SPIRE2: variants seen among roughly 807,000 people sequenced by gnomAD.
SPIRE2 encodes spire type actin nucleation factor 2.
A neutral mutation model predicts 80.7 loss-of-function variants in SPIRE2; 76 were observed. That is an observed-to-expected ratio of 0.94 (90% CI 0.78 to 1.14). The LOEUF (loss-of-function observed/expected upper bound fraction) is 1.14. Ranked by LOEUF, SPIRE2 falls within the 50% of genes most tolerant of loss-of-function variation. The probability of loss-of-function intolerance (pLI) is 0.00; values close to 1 mark genes in which losing one functional copy is unlikely to be tolerated. For missense variants in SPIRE2, 1,196 were observed against 1,015.3 expected (o/e 1.18, Z -2.42); for synonymous variants, 535 against 432.6 (o/e 1.24, Z -2.94).
intron 9 of SPIRE2, among the ~76,000 whole-genome samples, chr16:89,860,208 T>C (rs977629815): frequency 1.1e-4 from 16 of 152,294 alleles, no homozygotes; most frequent in African/African-American, 2.6e-4. Context: ...CTGTGGACCC[T>C]CTATACCACA....
chr16:89,855,527 G>T, intron 5 of SPIRE2, 73 bp from the exon 6 acceptor site: 1 of 1,372,706 alleles, frequency 7.3e-7, no homozygotes, highest in Non-Finnish European at 1.0e-6. Flanking sequence ...CTTGGGCTGA[G>T]CAGGCCTCTC....
chr16:89,843,207 G>A (rs545814827), intron 1 of SPIRE2, among the ~76,000 whole-genome samples: 3 of 152,158 alleles, frequency 2.0e-5, no homozygotes, highest in East Asian at 3.9e-4. Context: ...TGGGCCCCAC[G>A]GCCTGGCCCC....
rs774222717 is a variant in SPIRE2 at position 89,860,654 on chromosome 16, G to C, written c.1463-29G>C. On this transcript the variant is annotated intron_variant, in intron 9 of 14. Coordinates refer to ENST00000378247, the MANE Select transcript of SPIRE2 (RefSeq NM_032451.2). ...TCTTTACCACAGCTCCTGCCAGGCA[G>C]TCCTGATGGAGCCTCTGCTCTCCCC... 33 of 1,459,012 alleles carry C rather than the reference G, an allele frequency of 2.3e-5. No individual in the cohort carries two copies. The African/African-American group carries it at 3.2e-4, about 14-fold the overall frequency. 90.4% of individuals were successfully genotyped at this position (1,459,012 alleles called of 1,614,324 possible).
At chr16:89,850,215 G>A (rs894738844) in intron 2 of SPIRE2, 89 bp from the exon 3 acceptor site, 9 of 1,067,186 alleles carry the variant, frequency 8.4e-6, no homozygotes, top group Middle Eastern at 2.0e-4. Context: ...CTCCCTGGCC[G>A]GGTGCTGGGC....
intron 6 of SPIRE2, 45 bp downstream of exon 6, chr16:89,855,731 G>A (rs971050516): frequency 1.9e-6 from 3 of 1,581,560 alleles, no homozygotes; most frequent in South Asian, 2.2e-5. Context: ...CCGGGGCCTG[G>A]TGCTGTCCTG....
At chr16:89,845,721 A>G in intron 2 of SPIRE2, 1 of 638,936 alleles carries the variant, frequency 1.6e-6, no homozygotes, top group East Asian at 2.7e-5. Context: ...AACAGGAAAA[A>G]TCAGCCTGGT....
Position 89,858,592 on chromosome 16 carries a change from G to T in SPIRE2, c.1272+85G>T, listed in dbSNP as rs146701537. On this transcript the variant is annotated intron_variant, in intron 8 of 14. Coordinates refer to ENST00000378247, the MANE Select transcript of SPIRE2 (RefSeq NM_032451.2). ...AGTGAGAAGGGCTAAGCTAAGCCGG[G>T]GGCAGCAGCAATTGCGGTGTCTCCT... is the stretch of plus-strand genomic sequence containing the variant. 428 of 1,347,966 alleles carry T rather than the reference G, an allele frequency of 3.2e-4. 1 individual carries two copies. The highest frequency in any genetic ancestry group is 1.1e-3 in the Middle Eastern group (6 of 5,236). 83.5% of individuals were successfully genotyped at this position (1,347,966 alleles called of 1,614,324 possible).
At chr16:89,840,501 G>A (rs562194691) in intron 1 of SPIRE2, among the ~76,000 whole-genome samples, 91 of 151,238 alleles carry the variant, frequency 6.0e-4, no homozygotes, top group Non-Finnish European at 1.1e-3. Flanking sequence ...CGCCCGCCTC[G>A]GCCTCCCAAA....
chr16:89,850,154 C>A (rs755795039), intron 2 of SPIRE2, 150 bp from the exon 3 acceptor site: 1 of 745,552 alleles, frequency 1.3e-6, no homozygotes, highest in Non-Finnish European at 2.4e-6. Flanking sequence ...CCTTTTCATC[C>A]GGTCCATGTC....
At chr16:89,865,637 C>T (rs955688891) in intron 12 of SPIRE2, among the ~76,000 whole-genome samples, 20 of 152,070 alleles carry the variant, frequency 1.3e-4, no homozygotes, top group East Asian at 1.9e-4. Flanking sequence ...GTCATCCACA[C>T]GACCCAAGTA....
In SPIRE2 at chr16:89,843,673, TTTTTTTTGTTTG is replaced by T. The variant is rs1479200618; in HGVS notation, c.245-1643_245-1632del. 4.6e-3 allele frequency among the ~76,000 whole-genome samples: 261 copies of T among 56,198 alleles called. 2 individuals carry two copies. Among genetic ancestry groups the T allele is most frequent in the South Asian group, 0.027 (29 of 1,090 alleles). The allele number at this position is 56,198 out of a possible 152,430, so 36.9% of individuals were successfully genotyped here. A position where few individuals can be genotyped will look rare whatever the true frequency, so the allele number is the denominator to read the frequency against. On this transcript the variant is annotated intron_variant, in intron 1 of 14. Transcript: ENST00000378247. ...GCTGCTGCCTTGCTGCCACGTTTTT[TTTTTTTTGTTTG>T]TTTTTGTTTTTTGTTTTTTTTTTTT...
At chr16:89,857,776 G>C (rs1478934753) in intron 7 of SPIRE2, among the ~76,000 whole-genome samples, 2 of 151,646 alleles carry the variant, frequency 1.3e-5, no homozygotes, top group African/African-American at 4.8e-5. Context: ...CTCCATGTTG[G>C]TCAGGCTGGT....
In SPIRE2 at chr16:89,863,389, C is replaced by A; in HGVS notation, c.1576-87C>A. ...GGTCGCAGGCTTGTTTAGGCTGAGG[C>A]CAGGGAGGGTTAGGGTCCTCAGGGA... On this transcript the variant is annotated intron_variant, in intron 10 of 14. Coordinates refer to ENST00000378247, the MANE Select transcript of SPIRE2 (RefSeq NM_032451.2). The surrounding 1 kb of genome is among the most constrained non-coding windows in gnomAD (Gnocchi z 4.3). The A allele has an allele frequency of 2.0e-6, 3 of 1,485,994 alleles. No individual in the cohort carries two copies. Among genetic ancestry groups the A allele is most frequent in the African/African-American group, 1.4e-5 (1 of 71,738 alleles). 92.1% of individuals were successfully genotyped at this position (1,485,994 alleles called of 1,614,324 possible). A position where few individuals can be genotyped will look rare whatever the true frequency, so the allele number is the denominator to read the frequency against.
chr16:89,830,991 G>A (rs1468808250), intron 1 of SPIRE2, among the ~76,000 whole-genome samples: 1 of 146,934 alleles, frequency 6.8e-6, no homozygotes, highest in Non-Finnish European at 1.5e-5. Context: ...CTCACTGCAA[G>A]CTCCACCTCC....
Position 89,863,255 on chromosome 16 carries a change from C to T in SPIRE2, c.1576-221C>T, listed in dbSNP as rs977382425. 8.5e-6 allele frequency: 5 copies of T among 585,912 alleles called. No homozygotes were observed. Among genetic ancestry groups the T allele is most frequent in the South Asian group, 4.1e-5 (2 of 49,274 alleles). 36.3% of individuals were successfully genotyped at this position (585,912 alleles called of 1,614,324 possible). On this transcript the variant is annotated intron_variant, in intron 10 of 14. Transcript: ENST00000378247. The surrounding 1 kb of genome is among the most constrained non-coding windows in gnomAD (Gnocchi z 4.3). ...CGTGGCCAGTGAAGGCTGGGCTGGC[C>T]GGCAGGGTCCGCTGGTCATGGGAGG...
chr16:89,840,889 G>T (rs1379751198), intron 1 of SPIRE2, among the ~76,000 whole-genome samples: 1 of 151,766 alleles, frequency 6.6e-6, no homozygotes, highest in Non-Finnish European at 1.5e-5. Context: ...CGCCTGCCTC[G>T]GCCTCCCAAA....
intron 1 of SPIRE2, among the ~76,000 whole-genome samples, chr16:89,840,259 T>G (rs2143788687): frequency 6.6e-6 from 1 of 150,468 alleles, no homozygotes; most frequent in Admixed American, 6.6e-5. Context: ...TTTTTTTTTT[T>G]TTTTTTTTGA....
Position 89,858,596 on chromosome 16 carries a change from A to G in SPIRE2, c.1272+89A>G, listed in dbSNP as rs567656786. On this transcript the variant is annotated intron_variant, in intron 8 of 14. Coordinates refer to ENST00000378247, the MANE Select transcript of SPIRE2 (RefSeq NM_032451.2). ...AGAAGGGCTAAGCTAAGCCGGGGGCAGCAGCAATTGCGGTGTCTCCTGTCC... is the reference window on the plus strand; with the variant it reads ...AGAAGGGCTAAGCTAAGCCGGGGGCGGCAGCAATTGCGGTGTCTCCTGTCC... 3.4e-5 allele frequency: 45 copies of G among 1,314,234 alleles called. No homozygotes were observed. The Admixed American group carries it at 1.2e-3, about 35-fold the overall frequency. The allele number at this position is 1,314,234 out of a possible 1,614,324, so 81.4% of individuals were successfully genotyped here. A position where few individuals can be genotyped will look rare whatever the true frequency, so the allele number is the denominator to read the frequency against.
At chr16:89,868,118 G>T in intron 12 of SPIRE2, 71 bp from the exon 13 acceptor site, 1 of 1,566,540 alleles carries the variant, frequency 6.4e-7, no homozygotes, top group Non-Finnish European at 8.8e-7. Context: ...TGGAGGCCGG[G>T]ATGCGACTGT....
Sources: gnomAD v4.1 joint callset for allele counts (sites outside exome capture counted in the v4.1 genomes callset) on GRCh38, gnomAD v4.1.1 for gene constraint, Gnocchi (gnomAD v3.1) non-coding constraint, MANE v1.5 for transcripts, NCBI Gene and HGNC (gene_info 2026-07-23, HGNC 2026-07-21) for gene names.